The following DAPL1 variants were observed in gnomAD, a reference collection of about 807,000 sequenced individuals.
DAPL1 encodes death associated protein like 1.
DAPL1 carries 17 observed loss-of-function variants against 12.9 expected under a neutral mutation model. The observed-to-expected ratio is 1.32, with a 90% CI of 0.90 to 1.98. DAPL1 has a LOEUF of 1.98. DAPL1 is among the 30% of genes most tolerant of loss of function. DAPL1 has a pLI of 0.00. For synonymous variants in DAPL1, 51 were observed against 42.0 expected, an observed-to-expected ratio of 1.21 and a Z score of -0.82; for missense variants, 157 against 125.7, an observed-to-expected ratio of 1.25 and a Z score of -1.19.
chr2:158,808,838 G>A (rs2059215449), intron 3 of DAPL1, among the ~76,000 whole-genome samples: 1 of 152,172 alleles, frequency 6.6e-6, no homozygotes, highest in Admixed American at 6.5e-5. Context: ...TCGAAATAAA[G>A]TATTGAAAAG....
chr2:158,815,311 CTTTT>C (rs1354662030), intron 3 of DAPL1, among the ~76,000 whole-genome samples: 3 of 152,170 alleles, frequency 2.0e-5, no homozygotes, highest in Non-Finnish European at 4.4e-5. Context: ...TTCTTTCTTT[CTTTT>C]GACAATTGAG....
rs1484479528 is a variant in DAPL1, at chr2:158,804,209, G to C, written c.59-73G>C. The C allele has an allele frequency of 6.0e-6, 6 of 991,946 alleles. No individual in the cohort carries two copies. The African/African-American group carries it at 8.2e-5, about 14-fold the overall frequency. 61.4% of individuals were successfully genotyped at this position (991,946 alleles called of 1,614,324 possible). A position where few individuals can be genotyped will look rare whatever the true frequency, so the allele number is the denominator to read the frequency against. On this transcript the variant is annotated intron_variant, in intron 1 of 3. Coordinates refer to ENST00000309950, the MANE Select transcript of DAPL1 (RefSeq NM_001017920.3). ...TTCAAAAATTATTTTCAAATCTAAA[G>C]TCATACCTTTAATAACAAAGCAAGC...
chr2:158,809,364 A>AAAAAAAAAAAAAAAG (rs1405903241), intron 3 of DAPL1, among the ~76,000 whole-genome samples: 2 of 151,148 alleles, frequency 1.3e-5, no homozygotes, highest in African/African-American at 2.4e-5. Flanking sequence ...TCTCAAAAAA[A>AAAAAAAAAAAAAAAG]AAAAGAAATA....
chr2:158,795,344 C>A lies in DAPL1; in HGVS notation c.-29C>A. 6.4e-7 allele frequency: 1 copy of A among 1,552,284 alleles called. No homozygotes were observed. The highest frequency in any genetic ancestry group is 1.4e-5 in the African/African-American group (1 of 73,228). ...AGCTGGCATTCAGCCTCCAGAGCAC[C>A]AGCACTGGCACTGGCACTGGCACAC... On this transcript the variant is annotated 5_prime_UTR_variant, in exon 1 of 4. Coordinates refer to ENST00000309950, the MANE Select transcript of DAPL1 (RefSeq NM_001017920.3).
At position 158,811,525 on chromosome 2, in the gene DAPL1, T is replaced by C. The variant is rs79900050; in HGVS notation, c.208-4180T>C. Among the ~76,000 whole-genome samples, 87 of 152,314 alleles carry C rather than the reference T, an allele frequency of 5.7e-4. No homozygotes were observed. In the East Asian group the frequency reaches 0.016, roughly 29 times the overall value. Reference sequence around the variant, plus strand: ...GGCTCTCTAGTCATAAAGACCTCTATCACACTTCTTTTGCTTTTTCTCTGA... The same window carrying C: ...GGCTCTCTAGTCATAAAGACCTCTACCACACTTCTTTTGCTTTTTCTCTGA... On this transcript the variant is annotated intron_variant, in intron 3 of 3. Coordinates refer to ENST00000309950, the MANE Select transcript of DAPL1 (RefSeq NM_001017920.3).
At chr2:158,809,158 G>A (rs2059217285) in intron 3 of DAPL1, among the ~76,000 whole-genome samples, 1 of 151,872 alleles carries the variant, frequency 6.6e-6, no homozygotes, top group Admixed American at 6.6e-5. Context: ...AGGAGTTCAA[G>A]ACCAGCCTGG....
In DAPL1 at chr2:158,804,375, G is replaced by C. The variant is rs748758759; in HGVS notation, c.146+6G>C. The stretch of plus-strand genomic sequence containing the variant: ...ACAGGATTCGAGAAAACAAGGTAGG[G>C]ACTCTTAATTTTTCTCCATCACCTT... On this transcript the variant is annotated splice_donor_region_variant and intron_variant, in intron 2 of 3. Coordinates refer to ENST00000309950, the MANE Select transcript of DAPL1 (RefSeq NM_001017920.3). 13 of 1,597,704 alleles carry C rather than the reference G, an allele frequency of 8.1e-6. No individual in the cohort carries two copies. Among genetic ancestry groups the C allele is most frequent in the Non-Finnish European group, 1.1e-5 (13 of 1,169,412 alleles).
intron 1 of DAPL1, among the ~76,000 whole-genome samples, chr2:158,798,583 C>T (rs148152644): frequency 1.6e-4 from 25 of 152,246 alleles, no homozygotes; most frequent in Middle Eastern, 3.4e-3. Flanking sequence ...TGATGTTTCA[C>T]GGAAGAGTGA....
chr2:158,811,215 C>T (rs1359092488), intron 3 of DAPL1, among the ~76,000 whole-genome samples: 1 of 152,122 alleles, frequency 6.6e-6, no homozygotes, highest in East Asian at 1.9e-4. Flanking sequence ...GAAATGGGAT[C>T]CTGAGGGAGA....
chr2:158,810,272 G>A (rs1397312757), intron 3 of DAPL1, among the ~76,000 whole-genome samples: 2 of 152,032 alleles, frequency 1.3e-5, no homozygotes, highest in South Asian at 2.1e-4. Flanking sequence ...TCTCCTCACG[G>A]TATGTATTGC....
intron 1 of DAPL1, among the ~76,000 whole-genome samples, chr2:158,802,688 G>A (rs141330566): frequency 3.7e-4 from 57 of 152,298 alleles, no homozygotes; most frequent in Middle Eastern, 6.8e-3. Context: ...CTGAAAAACA[G>A]TGTGTTTGTG....
chr2:158,800,149 T>G (rs970634267), intron 1 of DAPL1, among the ~76,000 whole-genome samples: 4 of 152,166 alleles, frequency 2.6e-5, no homozygotes, highest in Admixed American at 1.3e-4. Context: ...TGGATTTTTT[T>G]GAGAGGTAGA....
intron 3 of DAPL1, among the ~76,000 whole-genome samples, chr2:158,815,464 A>G (rs529512042): frequency 6.6e-6 from 1 of 152,356 alleles, no homozygotes; most frequent in South Asian, 2.1e-4. Context: ...AACCATTCCT[A>G]CTTTTTAAAA....
intron 2 of DAPL1, among the ~76,000 whole-genome samples, chr2:158,805,209 A>G (rs2059194033): frequency 6.6e-6 from 1 of 152,220 alleles, no homozygotes; most frequent in South Asian, 2.1e-4. Context: ...ACTCTTTTCT[A>G]TAAAATTATT....
intron 1 of DAPL1, among the ~76,000 whole-genome samples, chr2:158,797,461 A>G (rs953615976): frequency 1.3e-5 from 2 of 152,142 alleles, no homozygotes; most frequent in Non-Finnish European, 2.9e-5. Flanking sequence ...AGAAACTGCA[A>G]TGGAAAAAAT....
intron 1 of DAPL1, 47 bp from the exon 2 acceptor site, chr2:158,804,235 C>A (rs1018494400): frequency 7.7e-7 from 1 of 1,305,608 alleles, no homozygotes. Flanking sequence ...CAAAGCAAGC[C>A]TTCTCTCACT....
intron 2 of DAPL1, among the ~76,000 whole-genome samples, chr2:158,806,849 AT>A (rs778304737): frequency 0.32 from 21,928 of 69,366 alleles, 1,923 homozygotes; most frequent in African/African-American, 0.43. Context: ...AAAAAAAAAA[AT>A]AATAATAATA....
At chr2:158,804,419 C>CTA (rs1423343400) in intron 2 of DAPL1, 50 bp downstream of exon 2, 1 of 1,358,392 alleles carries the variant, frequency 7.4e-7, no homozygotes, top group Admixed American at 2.0e-5. Flanking sequence ...TTGAGTGACT[C>CTA]TGCCTCCAGG....
intron 1 of DAPL1, among the ~76,000 whole-genome samples, chr2:158,799,101 C>A (rs1159383664): frequency 1.3e-5 from 2 of 152,122 alleles, no homozygotes; most frequent in African/African-American, 4.8e-5. Flanking sequence ...GAGTATAATT[C>A]TCATGCAGAG....
Sources: allele counts gnomAD v4.1 joint callset (sites outside exome capture counted in the v4.1 genomes callset), GRCh38; gene constraint gnomAD v4.1.1; transcripts MANE v1.5; gene names NCBI Gene and HGNC (gene_info 2026-07-23, HGNC 2026-07-21).